Variants in BAIAP2 observed in about 807,000 individuals in gnomAD.
The protein encoded by BAIAP2 is BAR/IMD domain-containing adapter protein 2.
In BAIAP2, 18 loss-of-function variants were observed where a neutral mutation model predicts 63.0. The observed-to-expected ratio is 0.29, with a 90% CI of 0.20 to 0.42. BAIAP2 has a LOEUF of 0.42. Among genes scored for constraint, BAIAP2 ranks in the 10% least tolerant of loss-of-function variants. The probability of loss-of-function intolerance (pLI) is 1.00; values close to 1 mark genes in which losing one functional copy is unlikely to be tolerated. For synonymous variants in BAIAP2, 386 were observed against 307.6 expected (o/e 1.25, Z -2.67); for missense variants, 610 against 734.3 (o/e 0.83, Z 1.96).
At chr17:81,107,460 T>A (rs943930604) in intron 12 of BAIAP2, 8 of 152,918 alleles carry the variant, frequency 5.2e-5, no homozygotes, top group African/African-American at 1.7e-4. Context: ...CTGGTGTGGG[T>A]TCTCGGAAAC....
Position 81,116,190 on chromosome 17 carries a change from C to T in BAIAP2, c.*351C>T, listed in dbSNP as rs1598887561. The T allele has an allele frequency of 3.1e-6, 5 of 1,608,562 alleles. No homozygotes were observed. Among genetic ancestry groups the T allele is most frequent in the Non-Finnish European group, 4.2e-6 (5 of 1,177,082 alleles). The stretch of plus-strand genomic sequence containing the variant: ...CTGGGAGGGGAGCCTGGCTGCCCTG[C>T]TGCTTCTCCTGCCTAATAAACAGGC... On this transcript the variant is annotated 3_prime_UTR_variant, in exon 14 of 14. Transcript: ENST00000428708.
intron 3 of BAIAP2, 79 bp from the exon 4 acceptor site, chr17:81,084,753 T>C (rs1598702539): frequency 2.8e-6 from 4 of 1,423,182 alleles, no homozygotes; most frequent in Middle Eastern, 1.7e-4. Context: ...CCTGGGTGGC[T>C]GTCAGCCCAG....
intron 1 of BAIAP2, among the ~76,000 whole-genome samples, chr17:81,039,563 G>A (rs745659466): frequency 1.3e-5 from 2 of 152,310 alleles, no homozygotes; most frequent in South Asian, 4.1e-4. Flanking sequence ...AGTATTCTTC[G>A]TTGGGGAGAT....
chr17:81,108,721 G>A lies in BAIAP2; in HGVS notation c.1535+212G>A, dbSNP rs534978982. 269 of 846,392 alleles carry A rather than the reference G, an allele frequency of 3.2e-4. 1 individual carries two copies. The Middle Eastern group carries it at 6.6e-3, about 21-fold the overall frequency. 52.4% of individuals were successfully genotyped at this position (846,392 alleles called of 1,614,324 possible). A position where few individuals can be genotyped will look rare whatever the true frequency, so the allele number is the denominator to read the frequency against. The stretch of plus-strand genomic sequence containing the variant: ...CCCTGGGCCCTGCCCCTCTTTCATC[G>A]CATCTGGCCGGCCCCATCCATCCCT... On this transcript the variant is annotated intron_variant, in intron 13 of 13. Coordinates refer to ENST00000428708, the MANE Select transcript of BAIAP2 (RefSeq NM_001144888.2).
At chr17:81,050,022 G>A (rs975534514) in intron 1 of BAIAP2, among the ~76,000 whole-genome samples, 6 of 152,230 alleles carry the variant, frequency 3.9e-5, no homozygotes. Flanking sequence ...CCCAGCAGAG[G>A]GGCTGGGCTC....
rs756328778 is a variant in BAIAP2, at chr17:81,086,223, A to G, written c.352-220A>G. 2.2e-4 allele frequency among the ~76,000 whole-genome samples: 29 copies of G among 130,272 alleles called. 1 individual carries two copies. Among genetic ancestry groups the G allele is most frequent in the Admixed American group, 1.1e-3 (14 of 12,548 alleles). The allele number at this position is 130,272 out of a possible 152,430, so 85.5% of individuals were successfully genotyped here. A position where few individuals can be genotyped will look rare whatever the true frequency, so the allele number is the denominator to read the frequency against. On this transcript the variant is annotated intron_variant, in intron 5 of 13. Coordinates refer to ENST00000428708, the MANE Select transcript of BAIAP2 (RefSeq NM_001144888.2). ...CATCTTGGGCGACCAGAGAGCTGCTATGGGGTTGGGTGGGGTCGGGCTGAG... is the reference window on the plus strand; with the variant it reads ...CATCTTGGGCGACCAGAGAGCTGCTGTGGGGTTGGGTGGGGTCGGGCTGAG...
chr17:81,073,503 A>G (rs2053078630), intron 3 of BAIAP2, among the ~76,000 whole-genome samples: 1 of 152,130 alleles, frequency 6.6e-6, no homozygotes, highest in Admixed American at 6.5e-5. Flanking sequence ...ATCATCATGA[A>G]ATGCTGTTTA....
intron 7 of BAIAP2, among the ~76,000 whole-genome samples, chr17:81,102,953 C>T (rs1452071404): frequency 6.6e-6 from 1 of 152,248 alleles, no homozygotes; most frequent in Non-Finnish European, 1.5e-5. Context: ...CTTCCTCCTC[C>T]TTTGTCCCCA....
chr17:81,053,250 A>G (rs1040625216), intron 1 of BAIAP2: 3 of 183,314 alleles, frequency 1.6e-5, no homozygotes, highest in Non-Finnish European at 2.3e-5. Flanking sequence ...TTTTAGTGGG[A>G]GGGGGGTGCC....
chr17:81,103,817 C>T, intron 8 of BAIAP2, 90 bp from the exon 9 acceptor site: 1 of 1,586,610 alleles, frequency 6.3e-7, no homozygotes, highest in East Asian at 2.2e-5. Context: ...AGTCCAGGGG[C>T]CCCTGCTGAG....
intron 6 of BAIAP2, among the ~76,000 whole-genome samples, chr17:81,095,286 C>T (rs773139899): frequency 1.2e-4 from 18 of 152,180 alleles, no homozygotes; most frequent in Non-Finnish European, 2.5e-4. Context: ...CAGACCAGGC[C>T]GTGCTCTGTC....
chr17:81,053,816 G>C, intron 2 of BAIAP2, 73 bp downstream of exon 2: 1 of 1,497,628 alleles, frequency 6.7e-7, no homozygotes, highest in South Asian at 1.1e-5. Context: ...GGGCCCCGTG[G>C]GGTGGGAGCT....
chr17:81,068,888 C>G lies in BAIAP2; in HGVS notation c.217+10921C>G, dbSNP rs117963424. ...TTCCCTTGCCCACAGTGTCTGTGAC[C>G]GTTGTCCCAGACATGCTCCTGTGTG... On this transcript the variant is annotated intron_variant, in intron 3 of 13. Transcript: ENST00000428708. Among the ~76,000 whole-genome samples the G allele has an allele frequency of 6.1e-3, 933 of 152,286 alleles. 3 individuals carry two copies. Among genetic ancestry groups the G allele is most frequent in the Non-Finnish European group, 0.01 (691 of 68,018 alleles).
intron 3 of BAIAP2, among the ~76,000 whole-genome samples, chr17:81,075,715 C>T (rs372885169): frequency 1.3e-5 from 2 of 152,174 alleles, no homozygotes; most frequent in East Asian, 3.9e-4. Flanking sequence ...CCCTCTGTGC[C>T]CTTCTCCCCC....
At chr17:81,115,331 T>C (rs1239499689) in intron 13 of BAIAP2, among the ~76,000 whole-genome samples, 1 of 152,218 alleles carries the variant, frequency 6.6e-6, no homozygotes, top group African/African-American at 2.4e-5. Flanking sequence ...GGCTGGACGC[T>C]CTGCCACGCT....
intron 3 of BAIAP2, among the ~76,000 whole-genome samples, chr17:81,072,185 C>T (rs1432935812): frequency 1.3e-5 from 2 of 152,232 alleles, no homozygotes; most frequent in Admixed American, 6.5e-5. Flanking sequence ...TCCACCTGCC[C>T]AAGGGCTGCC....
At chr17:81,073,477 C>CGG (rs2053073156) in intron 3 of BAIAP2, among the ~76,000 whole-genome samples, 3 of 152,312 alleles carry the variant, frequency 2.0e-5, no homozygotes, top group Admixed American at 1.3e-4. Flanking sequence ...ACTGACTAAG[C>CGG]AGAGTGTTAA....
chr17:81,039,172 C>T (rs1002112074), intron 1 of BAIAP2, among the ~76,000 whole-genome samples: 2 of 152,236 alleles, frequency 1.3e-5, no homozygotes, highest in Non-Finnish European at 2.9e-5. Flanking sequence ...TAGCAGGGGG[C>T]ACGTCTCCCA....
rs1342085302 is a variant in BAIAP2 at position 81,111,305 on chromosome 17, C to T, written c.1535+2796C>T. On this transcript the variant is annotated intron_variant, in intron 13 of 13. Coordinates refer to ENST00000428708, the MANE Select transcript of BAIAP2 (RefSeq NM_001144888.2). ...AAAGGGTGACCCCGGCAAGCAGCTGCAGCCCGGGCCTTTCCCGCCTGACTC... is the reference window on the plus strand; with the variant it reads ...AAAGGGTGACCCCGGCAAGCAGCTGTAGCCCGGGCCTTTCCCGCCTGACTC... Among the ~76,000 whole-genome samples the T allele has an allele frequency of 1.2e-4, 18 of 152,398 alleles. No homozygotes were observed. The South Asian group carries it at 3.7e-3, about 32-fold the overall frequency.
Sources: allele counts gnomAD v4.1 joint callset (sites outside exome capture counted in the v4.1 genomes callset), GRCh38; gene constraint gnomAD v4.1.1; transcripts MANE v1.5; gene names NCBI Gene and HGNC (gene_info 2026-07-23, HGNC 2026-07-21).